The following AKAP8L variants were observed in gnomAD, a reference collection of about 807,000 sequenced individuals.
AKAP8L encodes the protein A-kinase anchoring protein 8 like.
A neutral mutation model predicts 77.5 loss-of-function variants in AKAP8L; 34 were observed. The ratio of observed to expected loss-of-function variants is 0.44; its 90% CI spans 0.33 to 0.58. The LOEUF is 0.58. Ranked by LOEUF, AKAP8L falls within the 20% of genes least tolerant of loss-of-function variation. The probability of loss-of-function intolerance (pLI) is 0.02; values close to 1 mark genes in which losing one functional copy is unlikely to be tolerated. For missense variants in AKAP8L, 806 were observed against 887.6 expected (o/e 0.91, Z 1.17); for synonymous variants, 342 against 340.7 (o/e 1.00, Z -0.04).
chr19:15,399,281 G>A lies in AKAP8L; in HGVS notation c.1157+21C>T, dbSNP rs372638872. ...GCCCCACAGCGAGGCAGAGGCAGAG[G>A]GGTGGAGGGAAGCTGGTTACCTTTC... On this transcript the variant is annotated intron_variant, in intron 9 of 13. Transcript: ENST00000397410. The surrounding 1 kb of genome is among the most constrained non-coding windows in gnomAD (Gnocchi z 6.1). 3.1e-6 allele frequency: 5 copies of A among 1,597,966 alleles called. No homozygotes were observed. Among genetic ancestry groups the A allele is most frequent in the Non-Finnish European group, 4.3e-6 (5 of 1,165,518 alleles).
At chr19:15,385,928 T>C (rs561969742) in intron 12 of AKAP8L, among the ~76,000 whole-genome samples, 563 of 51,622 alleles carry the variant, frequency 0.011, 7 homozygotes, top group South Asian at 0.05. Flanking sequence ...CTTTTTTTTT[T>C]TTTGAGGAGT....
chr19:15,400,466 T>C (rs1339292570), intron 7 of AKAP8L, 108 bp from the exon 8 acceptor site: 6 of 1,153,790 alleles, frequency 5.2e-6, no homozygotes, highest in African/African-American at 4.7e-5. Context: ...GCTTGCTCCA[T>C]AGACAGAGCA....
chr19:15,400,459 T>G, intron 7 of AKAP8L, 101 bp from the exon 8 acceptor site: 1 of 1,199,390 alleles, frequency 8.3e-7, no homozygotes, highest in South Asian at 1.4e-5. Context: ...AACAGCTGCT[T>G]GCTCCATAGA....
intron 4 of AKAP8L, among the ~76,000 whole-genome samples, chr19:15,402,820 C>T (rs1967925252): frequency 6.6e-6 from 1 of 152,242 alleles, no homozygotes; most frequent in Non-Finnish European, 1.5e-5. Flanking sequence ...ATAACAAATG[C>T]CCACAGCATG....
At chr19:15,410,897 C>T (rs1293260815) in intron 1 of AKAP8L, among the ~76,000 whole-genome samples, 3 of 152,218 alleles carry the variant, frequency 2.0e-5, no homozygotes, top group Non-Finnish European at 4.4e-5. Context: ...ACTGCAACCT[C>T]GACCTTCCAG....
intron 1 of AKAP8L, among the ~76,000 whole-genome samples, chr19:15,415,657 A>C (rs1473645075): frequency 3.3e-5 from 5 of 151,954 alleles, no homozygotes; most frequent in South Asian, 2.1e-4. Context: ...GAGGCCAGGG[A>C]GGGCGGATCA....
chr19:15,401,202 C>A lies in AKAP8L; in HGVS notation c.764G>T (p.Gly255Val), dbSNP rs1192592080. 6.2e-7 allele frequency: 1 copy of A among 1,611,880 alleles called. No individual in the cohort carries two copies. The highest frequency in any genetic ancestry group is 2.2e-5 in the East Asian group (1 of 44,862). ...CCAGGTCCGCCTCATCTGCTTCATG[C>A]CATTGCCAAACCCGAAACCAAAGCG... ...GSRFGFGFGN[G>V]MKQMRRTWKT... Residue 255 changes from glycine (G) to valine (V), a missense_variant, in exon 5 of 14, where the codon GGC becomes GTC. This residue lies in a region of AKAP8L where 580 missense variants were observed against 694.1 expected (regional missense o/e 0.84). Transcript: ENST00000397410. The surrounding 1 kb of genome is among the most constrained non-coding windows in gnomAD (Gnocchi z 6.2).
rs959743344 is a variant in AKAP8L, at chr19:15,380,126, G to A, written c.1937C>T (p.Pro646Leu). ...TCCGCCCGCCCCGAGCTCGGGTCAC[G>A]GGGCGCCCCCGCCGCCCTCCTCGTC... ...EDDEEGGGGA[P>L] Residue 646 changes from proline to leucine, a missense_variant, in exon 14 of 14, where the codon CCG (proline) becomes CTG (leucine). By Grantham distance (98) the Pro-to-Leu change is moderately conservative. Transcript: ENST00000397410. 4 of 1,492,938 alleles carry A rather than the reference G, an allele frequency of 2.7e-6. No homozygotes were observed. Among genetic ancestry groups the A allele is most frequent in the South Asian group, 1.3e-5 (1 of 79,830 alleles). 92.5% of individuals were successfully genotyped at this position (1,492,938 alleles called of 1,614,324 possible).
chr19:15,395,186 C>CGTGG (rs983422530), intron 12 of AKAP8L, among the ~76,000 whole-genome samples: 1 of 152,008 alleles, frequency 6.6e-6, no homozygotes, highest in African/African-American at 2.4e-5. Flanking sequence ...CCTGCCACCA[C>CGTGG]GCCTGGCTAA....
At chr19:15,416,977 A>G (rs2145155854) in intron 1 of AKAP8L, among the ~76,000 whole-genome samples, 1 of 152,338 alleles carries the variant, frequency 6.6e-6, no homozygotes, top group South Asian at 2.1e-4. Context: ...TACTTCTTAA[A>G]TAAGGGGAAG....
At position 15,399,437 on chromosome 19, in the gene AKAP8L, C is replaced by T; in HGVS notation, c.1049-27G>A. 1 of 1,569,634 alleles carries T rather than the reference C, an allele frequency of 6.4e-7. No homozygotes were observed. The highest frequency in any genetic ancestry group is 8.8e-7 in the Non-Finnish European group (1 of 1,139,952). On this transcript the variant is annotated intron_variant, in intron 8 of 13. Coordinates refer to ENST00000397410, the MANE Select transcript of AKAP8L (RefSeq NM_014371.4). The surrounding 1 kb of genome is among the most constrained non-coding windows in gnomAD (Gnocchi z 6.1). ...TGTGGGAGCAGATGGGCACTGTCAC[C>T]AATTTGGCTCTGCCAGGACAGGGCA... is the stretch of plus-strand genomic sequence containing the variant.
Position 15,390,925 on chromosome 19 carries a change from G to A in AKAP8L, c.1536+6225C>T, listed in dbSNP as rs185115647. Reference sequence around the variant, plus strand: ...AAGGGAACGTCTTCAACTCAATCAAGGGCACCTATGAAAAACCCACAGCTG... The same window carrying A: ...AAGGGAACGTCTTCAACTCAATCAAAGGCACCTATGAAAAACCCACAGCTG... On this transcript the variant is annotated intron_variant, in intron 12 of 13. Coordinates refer to ENST00000397410, the MANE Select transcript of AKAP8L (RefSeq NM_014371.4). Among the ~76,000 whole-genome samples, 525 of 152,202 alleles carry A rather than the reference G, an allele frequency of 3.4e-3. 14 individuals are homozygous for A. The highest frequency in any genetic ancestry group is 0.032 in the Admixed American group (491 of 15,276).
intron 12 of AKAP8L, among the ~76,000 whole-genome samples, chr19:15,391,457 CAAAAAAAAAA>C (rs1163781609): frequency 2.9e-5 from 1 of 34,918 alleles, no homozygotes; most frequent in Admixed American, 5.6e-4. Context: ...GACTCTGTCT[CAAAAAAAAAA>C]AAAAAAAAAA....
At chr19:15,412,333 G>A (rs1484811290) in intron 1 of AKAP8L, among the ~76,000 whole-genome samples, 1 of 152,168 alleles carries the variant, frequency 6.6e-6, no homozygotes, top group African/African-American at 2.4e-5. Flanking sequence ...AGTGAGTGGA[G>A]ATCGTGCCAC....
chr19:15,412,044 C>T (rs1455742136), intron 1 of AKAP8L, among the ~76,000 whole-genome samples: 1 of 152,206 alleles, frequency 6.6e-6, no homozygotes, highest in African/African-American at 2.4e-5. Context: ...CCTGTCTCTA[C>T]TAAAAATACA....
At chr19:15,400,511 C>G (rs1967871213) in intron 7 of AKAP8L, 153 bp from the exon 8 acceptor site, 5 of 805,194 alleles carry the variant, frequency 6.2e-6, no homozygotes. Flanking sequence ...CCAGAGTAGC[C>G]CAGTTATTTA....
In AKAP8L at chr19:15,397,870, A is replaced by C. The variant is rs536851159; in HGVS notation, c.1158-15T>G. ...CAAACTGGATCCTGCCACAGGAAGG[A>C]AACGAGGGGCTGAGGCTGCAAGTGT... On this transcript the variant is annotated splice_polypyrimidine_tract_variant and intron_variant, in intron 9 of 13. Transcript: ENST00000397410. This position sits in a 1 kb window ranked among gnomAD's most constrained non-coding sequence, Gnocchi z 4.7. 1 of 1,612,846 alleles carries C rather than the reference A, an allele frequency of 6.2e-7. No individual in the cohort carries two copies. The highest frequency in any genetic ancestry group is 1.1e-5 in the South Asian group (1 of 90,912).
rs371717696 is a variant in AKAP8L at position 15,388,925 on chromosome 19, G to C, written c.1536+8225C>G. On this transcript the variant is annotated intron_variant, in intron 12 of 13. Transcript: ENST00000397410. ...AGCTAGACTCCATCTCTAAAAAAGA[G>C]TGAACTTGGCCGAGCTCGGTGGCTC... is the stretch of plus-strand genomic sequence containing the variant. Among the ~76,000 whole-genome samples the C allele has an allele frequency of 1.1e-4, 14 of 130,736 alleles. No homozygotes were observed. In the East Asian group the frequency reaches 2.9e-3, roughly 27 times the overall value. 85.8% of individuals were successfully genotyped at this position (130,736 alleles called of 152,430 possible).
In AKAP8L at chr19:15,401,910, G is replaced by A. The variant is rs552229345; in HGVS notation, c.363-307C>T. 2.3e-4 allele frequency among the ~76,000 whole-genome samples: 35 copies of A among 152,266 alleles called. No individual in the cohort carries two copies. Among genetic ancestry groups the A allele is most frequent in the Admixed American group, 8.5e-4 (13 of 15,298 alleles). ...GGGCAGAGCTGCTCCACAGCCCTTT[G>A]GGAACATGTACACCATCTGTGGGAG... On this transcript the variant is annotated intron_variant, in intron 4 of 13. Transcript: ENST00000397410. This position sits in a 1 kb window ranked among gnomAD's most constrained non-coding sequence, Gnocchi z 6.2.
Sources: gnomAD v4.1 joint callset for allele counts (sites outside exome capture counted in the v4.1 genomes callset) on GRCh38, gnomAD v4.1.1 for gene constraint, gnomAD v4.1.1 regional missense constraint, Gnocchi (gnomAD v3.1) non-coding constraint, MANE v1.5 for transcripts, NCBI Gene and HGNC (gene_info 2026-07-23, HGNC 2026-07-21) for gene names.